Variants in SPRR2G observed in about 807,000 individuals in gnomAD.
The protein encoded by SPRR2G is small proline-rich protein 2G.
In SPRR2G, 1 loss-of-function variant was observed where a neutral mutation model predicts 0.7. The observed-to-expected ratio is 1.49, with a 90% CI of 0.53 to 7.06. The LOEUF is 7.06. Among genes scored for constraint, SPRR2G ranks in the 30% most tolerant of loss-of-function variants. The pLI is 0.14. For synonymous variants in SPRR2G, 38 were observed against 33.9 expected (o/e 1.12, Z -0.42); for missense variants, 96 against 88.5 (o/e 1.09, Z -0.34).
At chr1:153,182,915 G>T in the SPRR2G span, among the ~76,000 whole-genome samples, 1 of 152,136 alleles carries the variant, frequency 6.6e-6, no homozygotes, top group African/African-American at 2.4e-5. Context: ...TGGGATTGCT[G>T]GGTCAAATGG....
chr1:153,196,941 C>A, the SPRR2G span, among the ~76,000 whole-genome samples: 4 of 152,176 alleles, frequency 2.6e-5, no homozygotes, highest in African/African-American at 9.7e-5. Flanking sequence ...GCCTGGTGGG[C>A]ACCTTAGGAG....
chr1:153,195,715 A>G, the SPRR2G span, among the ~76,000 whole-genome samples: 4,052 of 152,224 alleles, frequency 0.027, 176 homozygotes, highest in African/African-American at 0.093. Flanking sequence ...CTCCTCTCCT[A>G]AGAGAGCTGA....
the SPRR2G span, among the ~76,000 whole-genome samples, chr1:153,156,070 T>C: frequency 6.6e-6 from 1 of 152,184 alleles, no homozygotes; most frequent in Non-Finnish European, 1.5e-5. Flanking sequence ...TGAAACAGAG[T>C]ACGTGCTAGA....
the SPRR2G span, among the ~76,000 whole-genome samples, chr1:153,167,795 G>A: frequency 1.3e-5 from 2 of 152,100 alleles, no homozygotes; most frequent in Admixed American, 1.3e-4. Flanking sequence ...CTGCTTCATT[G>A]TCATTTGGAC....
the SPRR2G span, among the ~76,000 whole-genome samples, chr1:153,157,138 G>A: frequency 6.6e-6 from 1 of 152,152 alleles, no homozygotes; most frequent in Admixed American, 6.5e-5. Flanking sequence ...AGGAAAACTA[G>A]CATAAGTTGG....
chr1:153,155,693 A>G (rs138425599), upstream of SPRR2G, among the ~76,000 whole-genome samples: 489 of 151,996 alleles, frequency 3.2e-3, 3 homozygotes, highest in African/African-American at 0.011. Flanking sequence ...TTATTACTCC[A>G]CTTTTTGAAC....
chr1:153,190,962 G>C, the SPRR2G span: 3 of 152,136 alleles, frequency 2.0e-5, no homozygotes, highest in Non-Finnish European at 4.4e-5. Flanking sequence ...AAAGTCAAGA[G>C]AGACAAAGTC....
At chr1:153,173,245 G>T in the SPRR2G span, among the ~76,000 whole-genome samples, 1 of 152,192 alleles carries the variant, frequency 6.6e-6, no homozygotes, top group Non-Finnish European at 1.5e-5. Flanking sequence ...AAGGCCTTGG[G>T]ACAGAACATG....
At chr1:153,163,990 T>G in the SPRR2G span, among the ~76,000 whole-genome samples, 2 of 152,208 alleles carry the variant, frequency 1.3e-5, no homozygotes, top group Non-Finnish European at 2.9e-5. Context: ...CCAAATGGTA[T>G]CAATACCGTT....
the SPRR2G span, among the ~76,000 whole-genome samples, chr1:153,164,607 G>A: frequency 6.6e-6 from 1 of 152,074 alleles, no homozygotes; most frequent in South Asian, 2.1e-4. Flanking sequence ...AAATCACATA[G>A]TGTTTGTATA....
the SPRR2G span, among the ~76,000 whole-genome samples, chr1:153,186,016 G>T: frequency 1.3e-5 from 2 of 152,252 alleles, no homozygotes; most frequent in East Asian, 1.9e-4. Context: ...CCATGTAGTT[G>T]TTCAGTTTTG....
the SPRR2G span, among the ~76,000 whole-genome samples, chr1:153,171,163 A>T: frequency 2.6e-5 from 4 of 152,254 alleles, no homozygotes; most frequent in Non-Finnish European, 2.9e-5. Flanking sequence ...TCTCATCTTC[A>T]TTGGTTTAGC....
the SPRR2G span, among the ~76,000 whole-genome samples, chr1:153,182,993 T>C: frequency 6.6e-6 from 1 of 151,888 alleles, no homozygotes; most frequent in Admixed American, 6.6e-5. Context: ...TAATTTACAC[T>C]CCCACCAACA....
the SPRR2G span, among the ~76,000 whole-genome samples, chr1:153,198,462 T>C: frequency 0.43 from 66,115 of 152,062 alleles, 15,341 homozygotes; most frequent in South Asian, 0.57. Flanking sequence ...GCAGCAACCA[T>C]GGCTGTGAGA....
At chr1:153,192,120 G>A in the SPRR2G span, among the ~76,000 whole-genome samples, 1 of 152,188 alleles carries the variant, frequency 6.6e-6, no homozygotes, top group Non-Finnish European at 1.5e-5. Context: ...CTGATCTGAC[G>A]AGGGCTTCTA....
the SPRR2G span, among the ~76,000 whole-genome samples, chr1:153,195,374 C>T: frequency 3.3e-5 from 5 of 152,186 alleles, no homozygotes; most frequent in South Asian, 2.1e-4. Flanking sequence ...GGATTGGACA[C>T]GTGGGCCATG....
chr1:153,193,243 G>T, the SPRR2G span, among the ~76,000 whole-genome samples: 5 of 152,216 alleles, frequency 3.3e-5, no homozygotes, highest in South Asian at 1.0e-3. Context: ...CTCCCCAGGA[G>T]GTTTTCTGTG....
chr1:153,181,623 A>G, the SPRR2G span, among the ~76,000 whole-genome samples: 3 of 151,986 alleles, frequency 2.0e-5, no homozygotes, highest in South Asian at 2.1e-4. Flanking sequence ...CTCTACCTTC[A>G]TGAAATCACC....
chr1:153,197,132 ATGTGTGTGTGTGTGTGTGTGTG>A, the SPRR2G span, among the ~76,000 whole-genome samples: 36 of 140,402 alleles, frequency 2.6e-4, no homozygotes, highest in African/African-American at 7.3e-4. Context: ...CAGGCAGAGA[ATGTGTGTGTGTGTGTGTGTGTG>A]TGTGTGTGTG....
Sources: allele counts gnomAD v4.1 joint callset (sites outside exome capture counted in the v4.1 genomes callset), GRCh38; gene constraint gnomAD v4.1.1; transcripts MANE v1.5; gene names NCBI Gene and HGNC (gene_info 2026-07-23, HGNC 2026-07-21).